IL15: variants seen among roughly 807,000 people sequenced by gnomAD.
The protein encoded by IL15 is interleukin-15.
A neutral mutation model predicts 19.6 loss-of-function variants in IL15; 11 were observed. The observed-to-expected ratio is 0.56, with a 90% CI of 0.35 to 0.93. IL15 has a LOEUF of 0.93. Among genes scored for constraint, IL15 ranks in the 40% least tolerant of loss-of-function variants. The probability of loss-of-function intolerance (pLI) is 0.01; values close to 1 mark genes in which losing one functional copy is unlikely to be tolerated. For synonymous variants in IL15, 58 were observed against 59.6 expected, an observed-to-expected ratio of 0.97 and a Z score of 0.12; for missense variants, 197 against 186.5, an observed-to-expected ratio of 1.06 and a Z score of -0.33.
chr4:141,640,958 T>G (rs905605780), intron 1 of IL15, among the ~76,000 whole-genome samples: 1 of 152,010 alleles, frequency 6.6e-6, no homozygotes, highest in Non-Finnish European at 1.5e-5. Flanking sequence ...GCGGTGGTGG[T>G]GGGGGTAAGC....
intron 1 of IL15, among the ~76,000 whole-genome samples, chr4:141,654,369 T>C (rs375826525): frequency 5.3e-5 from 8 of 152,364 alleles, no homozygotes; most frequent in Non-Finnish European, 1.0e-4. Flanking sequence ...CTATGAGCTG[T>C]CAGCTGGAAC....
chr4:141,691,185 A>G (rs527459162), intron 2 of IL15, among the ~76,000 whole-genome samples: 146 of 21,414 alleles, frequency 6.8e-3, no homozygotes, highest in African/African-American at 0.037. Context: ...AAACCATCAT[A>G]TCTCATGAGA....
chr4:141,686,690 G>C (rs1390303635), intron 2 of IL15, among the ~76,000 whole-genome samples: 5 of 152,152 alleles, frequency 3.3e-5, no homozygotes, highest in Non-Finnish European at 7.4e-5. Context: ...CAGTGTCTGA[G>C]CTCTCTTTAA....
intron 2 of IL15, among the ~76,000 whole-genome samples, chr4:141,658,653 TAAAGGACTTTA>T (rs1036292015): frequency 1.3e-5 from 2 of 151,454 alleles, no homozygotes; most frequent in Non-Finnish European, 2.9e-5. Context: ...GTAGAATAAG[TAAAGGACTTTA>T]AGGAAATTGA....
At chr4:141,714,638 C>T (rs984937892) in intron 2 of IL15, 2 of 152,264 alleles carry the variant, frequency 1.3e-5, no homozygotes, top group African/African-American at 4.8e-5. Context: ...GAAACTGTGT[C>T]TTGCTTGGCC....
intron 2 of IL15, among the ~76,000 whole-genome samples, chr4:141,701,078 C>T (rs976007201): frequency 2.0e-5 from 3 of 152,094 alleles, no homozygotes; most frequent in Admixed American, 1.3e-4. Context: ...ATCTCCTTGA[C>T]TAGCTGAATA....
At chr4:141,702,434 AGCACCTGCTTTGAATGGAGGTG>A (rs1729352335) in intron 2 of IL15, among the ~76,000 whole-genome samples, 1 of 152,220 alleles carries the variant, frequency 6.6e-6, no homozygotes, top group Non-Finnish European at 1.5e-5. Flanking sequence ...AATGGATACC[AGCACCTGCTTTGAATGGAGGTG>A]GCAGGGGAGT....
At chr4:141,685,557 T>C in intron 2 of IL15, among the ~76,000 whole-genome samples, 1 of 152,218 alleles carries the variant, frequency 6.6e-6, no homozygotes, top group East Asian at 1.9e-4. Flanking sequence ...TTATAAAATC[T>C]CTGCTATTTT....
intron 2 of IL15, among the ~76,000 whole-genome samples, chr4:141,677,693 C>T (rs1728392938): frequency 6.6e-6 from 1 of 152,186 alleles, no homozygotes; most frequent in Admixed American, 6.5e-5. Flanking sequence ...ATGTTGAAAC[C>T]TTCTTATGAT....
intron 2 of IL15, among the ~76,000 whole-genome samples, chr4:141,713,143 A>C (rs944652231): frequency 6.6e-6 from 1 of 152,206 alleles, no homozygotes; most frequent in African/African-American, 2.4e-5. Flanking sequence ...TTCTTATTTG[A>C]AAATCTCATA....
chr4:141,690,054 T>C (rs966816261), intron 2 of IL15, among the ~76,000 whole-genome samples: 1 of 151,996 alleles, frequency 6.6e-6, no homozygotes, highest in Non-Finnish European at 1.5e-5. Context: ...GCTGGTGGGC[T>C]GGCACTGCTG....
chr4:141,687,924 A>T (rs1409646441), intron 2 of IL15, among the ~76,000 whole-genome samples: 3 of 152,208 alleles, frequency 2.0e-5, no homozygotes, highest in Non-Finnish European at 2.9e-5. Flanking sequence ...TCTAGTGGAT[A>T]CCGTTCTGTG....
intron 2 of IL15, among the ~76,000 whole-genome samples, chr4:141,668,187 G>A (rs965655922): frequency 1.3e-5 from 2 of 152,162 alleles, no homozygotes; most frequent in African/African-American, 4.8e-5. Context: ...CACATATGGC[G>A]GGAAATACAC....
intron 2 of IL15, among the ~76,000 whole-genome samples, chr4:141,662,807 T>C (rs1291989355): frequency 6.6e-6 from 1 of 151,034 alleles, no homozygotes; most frequent in African/African-American, 2.4e-5. Flanking sequence ...TATTACATTC[T>C]ATCTAATGAC....
At chr4:141,732,378 T>A (rs1291157417) in intron 7 of IL15, among the ~76,000 whole-genome samples, 1 of 152,086 alleles carries the variant, frequency 6.6e-6, no homozygotes, top group Non-Finnish European at 1.5e-5. Flanking sequence ...GGGGGATATG[T>A]GAAATAAATA....
chr4:141,698,719 G>A (rs896513702), intron 2 of IL15, among the ~76,000 whole-genome samples: 8 of 151,714 alleles, frequency 5.3e-5, no homozygotes, highest in African/African-American at 7.3e-5. Context: ...TAATTGAATC[G>A]TCTCTCTTCT....
At chr4:141,719,773 T>A (rs1304580613) in intron 3 of IL15, among the ~76,000 whole-genome samples, 1 of 152,108 alleles carries the variant, frequency 6.6e-6, no homozygotes, top group Non-Finnish European at 1.5e-5. Context: ...GGGCAGGGTG[T>A]GGGTATCATT....
chr4:141,687,258 G>A (rs1344544792), intron 2 of IL15, among the ~76,000 whole-genome samples: 1 of 152,198 alleles, frequency 6.6e-6, no homozygotes, highest in Non-Finnish European at 1.5e-5. Flanking sequence ...ATGAGGGGAG[G>A]AAGTAGAAAG....
chr4:141,647,936 GAGA>G (rs1369209236), intron 1 of IL15, among the ~76,000 whole-genome samples: 1 of 152,038 alleles, frequency 6.6e-6, no homozygotes, highest in Non-Finnish European at 1.5e-5. Context: ...GGTCATAGAT[GAGA>G]AGAATTGTGA....
Sources: gnomAD v4.1 joint callset for allele counts (sites outside exome capture counted in the v4.1 genomes callset) on GRCh38, gnomAD v4.1.1 for gene constraint, MANE v1.5 for transcripts, NCBI Gene and HGNC (gene_info 2026-07-23, HGNC 2026-07-21) for gene names.